The following WWC1 variants were observed in gnomAD, a reference collection of about 807,000 sequenced individuals.
The protein encoded by WWC1 is WW and C2 domain containing 1, also known as protein KIBRA.
WWC1 carries 55 observed loss-of-function variants against 138.4 expected under a neutral mutation model. The observed-to-expected ratio is 0.40, with a 90% confidence interval of 0.32 to 0.50. The LOEUF is 0.50. WWC1 is among the 20% of genes least tolerant of loss of function. The pLI is 0.72. For synonymous variants in WWC1, 524 were observed against 564.9 expected, an observed-to-expected ratio of 0.93 and a Z score of 1.03; for missense variants, 1,226 against 1,420.4, an observed-to-expected ratio of 0.86 and a Z score of 2.20.
intron 20 of WWC1, 38 bp from the exon 21 acceptor site, chr5:168,464,691 A>T: frequency 6.2e-7 from 1 of 1,612,200 alleles, no homozygotes; most frequent in Non-Finnish European, 8.5e-7. Context: ...CACTGGGCAG[A>T]GCTCTAATAA....
At position 168,315,568 on chromosome 5, in the gene WWC1, C is replaced by T. The variant is rs116293225; in HGVS notation, c.119+23297C>T. On this transcript the variant is annotated intron_variant, in intron 1 of 22. Transcript: ENST00000265293. ...TGTGTAGGGGCCCACTGTGTTTTCT[C>T]CTAATATGAATCTACCACAAAGTAG... 5.1e-3 allele frequency among the ~76,000 whole-genome samples: 773 copies of T among 152,118 alleles called. 4 individuals are homozygous for T. The highest frequency in any genetic ancestry group is 0.018 in the African/African-American group (731 of 41,492).
At chr5:168,321,844 T>C (rs537495251) in intron 1 of WWC1, among the ~76,000 whole-genome samples, 1 of 152,142 alleles carries the variant, frequency 6.6e-6, no homozygotes, top group Non-Finnish European at 1.5e-5. Flanking sequence ...GCCGGTGATA[T>C]CCTTTTCTTT....
intron 9 of WWC1, among the ~76,000 whole-genome samples, chr5:168,418,415 C>T (rs1266164820): frequency 6.6e-6 from 1 of 152,174 alleles, no homozygotes; most frequent in Non-Finnish European, 1.5e-5. Context: ...CATTTTTAAC[C>T]AGCACCCAAG....
At chr5:168,322,936 A>T (rs1213451271) in intron 1 of WWC1, among the ~76,000 whole-genome samples, 1 of 152,232 alleles carries the variant, frequency 6.6e-6, no homozygotes, top group Non-Finnish European at 1.5e-5. Context: ...AAGAAAACAA[A>T]GTTCAGATGG....
intron 17 of WWC1, among the ~76,000 whole-genome samples, chr5:168,447,289 G>A (rs1013029765): frequency 2.0e-5 from 3 of 152,084 alleles, no homozygotes; most frequent in South Asian, 2.1e-4. Context: ...CTCAGGCGGC[G>A]CCCTCCCGTA....
intron 1 of WWC1, among the ~76,000 whole-genome samples, chr5:168,317,342 C>G (rs540538762): frequency 1.3e-5 from 2 of 152,212 alleles, no homozygotes; most frequent in African/African-American, 4.8e-5. Context: ...GTTAAGCTCT[C>G]GCACTCTCCG....
intron 1 of WWC1, among the ~76,000 whole-genome samples, chr5:168,319,417 A>AAAAT (rs1357731134): frequency 9.2e-5 from 14 of 152,274 alleles, no homozygotes; most frequent in Admixed American, 3.3e-4. Context: ...CTTCATCTCA[A>AAAAT]AAATAAATAA....
At position 168,441,805 on chromosome 5, in the gene WWC1, A is replaced by G. The variant is rs947585357; in HGVS notation, c.2404A>G (p.Met802Val). 1.2e-6 allele frequency: 2 copies of G among 1,614,042 alleles called. No individual in the cohort carries two copies. The highest frequency in any genetic ancestry group is 1.7e-6 in the Non-Finnish European group (2 of 1,179,982). ...QSRELKPVGV[M>V]APASGPASTD... The stretch of plus-strand genomic sequence containing the variant: ...CAGGGAGCTCAAGCCAGTGGGAGTC[A>G]TGGCCCCTGCCTCAGGGCCTGCCAG... Residue 802 changes from methionine (M) to valine (V), a missense_variant, in exon 16 of 23, where the codon ATG becomes GTG. Around this residue, in one of 3 missense-constraint regions of WWC1, gnomAD observed 1,016 missense variants for 1,153.9 expected, o/e 0.88. Transcript: ENST00000265293.
chr5:168,374,268 T>C (rs1369343762), intron 2 of WWC1, among the ~76,000 whole-genome samples: 1 of 152,062 alleles, frequency 6.6e-6, no homozygotes, highest in Non-Finnish European at 1.5e-5. Context: ...GATTATGTAG[T>C]ATGTTAGAGA....
At chr5:168,424,337 A>T (rs539768243) in intron 11 of WWC1, among the ~76,000 whole-genome samples, 5 of 152,316 alleles carry the variant, frequency 3.3e-5, no homozygotes, top group Admixed American at 3.3e-4. Context: ...GTGCTAATGG[A>T]TATACATGGA....
intron 19 of WWC1, among the ~76,000 whole-genome samples, chr5:168,458,950 A>C (rs1756566264): frequency 6.6e-6 from 1 of 152,134 alleles, no homozygotes; most frequent in Non-Finnish European, 1.5e-5. Flanking sequence ...CCACCACTGG[A>C]TTAAAACAAT....
At chr5:168,458,477 A>T (rs768279853) in intron 19 of WWC1, among the ~76,000 whole-genome samples, 2 of 152,026 alleles carry the variant, frequency 1.3e-5, no homozygotes, top group Non-Finnish European at 2.9e-5. Context: ...ATCTTCACCT[A>T]TGTCACTTGG....
chr5:168,444,363 C>A, intron 16 of WWC1, 131 bp from the exon 17 acceptor site: 2 of 903,014 alleles, frequency 2.2e-6, no homozygotes, highest in South Asian at 2.1e-5. Context: ...GGGCAAGACA[C>A]TTGACCACTC....
chr5:168,354,865 T>C (rs548169627), intron 1 of WWC1, among the ~76,000 whole-genome samples: 50 of 152,330 alleles, frequency 3.3e-4, no homozygotes, highest in African/African-American at 1.2e-3. Context: ...TCTGTATCCC[T>C]GGAAGTCTTT....
intron 1 of WWC1, among the ~76,000 whole-genome samples, chr5:168,320,354 C>T (rs985223215): frequency 6.6e-6 from 1 of 152,038 alleles, no homozygotes; most frequent in African/African-American, 2.4e-5. Flanking sequence ...TTTAAAAAGC[C>T]AACTCCTCAT....
chr5:168,453,854 A>AAT, intron 17 of WWC1, 114 bp from the exon 18 acceptor site: 1 of 1,521,486 alleles, frequency 6.6e-7, no homozygotes, highest in Non-Finnish European at 8.8e-7. Context: ...AACTTTTTAA[A>AAT]ATATATCTTC....
chr5:168,418,883 T>C (rs1380360780), intron 9 of WWC1, among the ~76,000 whole-genome samples: 1 of 152,156 alleles, frequency 6.6e-6, no homozygotes, highest in East Asian at 1.9e-4. Flanking sequence ...ACGGGTTCCA[T>C]CTGCCAACCC....
At chr5:168,370,586 CTG>C (rs1776674830) in intron 1 of WWC1, among the ~76,000 whole-genome samples, 1 of 152,114 alleles carries the variant, frequency 6.6e-6, no homozygotes. Context: ...ACCAAAGTGA[CTG>C]TCTGGAGGGG....
intron 1 of WWC1, among the ~76,000 whole-genome samples, chr5:168,307,813 T>C (rs769717066): frequency 4.6e-5 from 7 of 151,974 alleles, no homozygotes; most frequent in Non-Finnish European, 8.8e-5. Flanking sequence ...GTTTTCACCA[T>C]GTTAGCCAGG....
Sources: allele counts gnomAD v4.1 joint callset (sites outside exome capture counted in the v4.1 genomes callset), GRCh38; gene constraint gnomAD v4.1.1; regional missense constraint gnomAD v4.1.1; transcripts MANE v1.5; gene names NCBI Gene and HGNC (gene_info 2026-07-23, HGNC 2026-07-21).